SLC9A2: variants seen among roughly 807,000 people sequenced by gnomAD.
The protein encoded by SLC9A2 is solute carrier family 9 member A2, also known as sodium/hydrogen exchanger 2.
Under a neutral mutation model 71.7 loss-of-function variants are expected in SLC9A2, and 42 were observed. That is an observed-to-expected ratio of 0.59 (90% CI 0.46 to 0.76). SLC9A2 has a LOEUF of 0.76. Among genes scored for constraint, SLC9A2 ranks in the 30% least tolerant of loss-of-function variants. The probability of loss-of-function intolerance (pLI) is 0.00; values close to 1 mark genes in which losing one functional copy is unlikely to be tolerated. For missense variants in SLC9A2, 829 were observed against 1,017.4 expected (o/e 0.81, Z 2.52); for synonymous variants, 396 against 392.5 (o/e 1.01, Z -0.10).
Position 102,625,891 on chromosome 2 carries a change from G to A in SLC9A2, c.289+5754G>A, listed in dbSNP as rs193084096. Among the ~76,000 whole-genome samples, 4 of 152,256 alleles carry A rather than the reference G, an allele frequency of 2.6e-5. No individual in the cohort carries two copies. In the East Asian group the frequency reaches 7.7e-4, roughly 29 times the overall value. On this transcript the variant is annotated intron_variant, in intron 1 of 11. Coordinates refer to ENST00000233969, the MANE Select transcript of SLC9A2 (RefSeq NM_003048.6). ...TCTAGTTCTAGATACCTGAGGAATTGCCACACTGTCTTCCACAATGGTTGA... is the reference window on the plus strand; with the variant it reads ...TCTAGTTCTAGATACCTGAGGAATTACCACACTGTCTTCCACAATGGTTGA...
chr2:102,701,980 T>G (rs1322995947), intron 8 of SLC9A2, among the ~76,000 whole-genome samples: 1 of 152,218 alleles, frequency 6.6e-6, no homozygotes, highest in Non-Finnish European at 1.5e-5. Flanking sequence ...TGACTGGATA[T>G]ACATACATGT....
intron 1 of SLC9A2, among the ~76,000 whole-genome samples, chr2:102,652,178 T>C (rs1676848790): frequency 6.6e-6 from 1 of 152,246 alleles, no homozygotes; most frequent in Non-Finnish European, 1.5e-5. Context: ...GTTTAACTTA[T>C]TGGGCAGCCT....
At chr2:102,633,663 A>G (rs1415242519) in intron 1 of SLC9A2, among the ~76,000 whole-genome samples, 2 of 152,148 alleles carry the variant, frequency 1.3e-5, no homozygotes, top group Admixed American at 1.3e-4. Flanking sequence ...AGGTAGCGGA[A>G]CTCAGTAGTA....
chr2:102,650,916 G>A (rs1191701831), intron 1 of SLC9A2, among the ~76,000 whole-genome samples: 1 of 152,094 alleles, frequency 6.6e-6, no homozygotes, highest in Non-Finnish European at 1.5e-5. Flanking sequence ...TAAGCTCCAT[G>A]GTATGTTTTA....
intron 3 of SLC9A2, among the ~76,000 whole-genome samples, chr2:102,678,124 A>AT: frequency 6.6e-6 from 1 of 152,174 alleles, no homozygotes; most frequent in South Asian, 2.1e-4. Flanking sequence ...CCCTTCCCTC[A>AT]TTCTAGCACG....
chr2:102,696,233 T>G (rs977938789), intron 7 of SLC9A2, among the ~76,000 whole-genome samples: 2 of 152,040 alleles, frequency 1.3e-5, no homozygotes, highest in Non-Finnish European at 2.9e-5. Flanking sequence ...TTTTTTTTCA[T>G]AGAGAAATTT....
At chr2:102,670,265 C>T (rs1431218139) in intron 3 of SLC9A2, among the ~76,000 whole-genome samples, 1 of 151,772 alleles carries the variant, frequency 6.6e-6, no homozygotes, top group African/African-American at 2.4e-5. Flanking sequence ...ATCCGCCCAC[C>T]TCGGCCTCCC....
At chr2:102,671,226 C>G (rs777322885) in intron 3 of SLC9A2, among the ~76,000 whole-genome samples, 1 of 151,760 alleles carries the variant, frequency 6.6e-6, no homozygotes, top group African/African-American at 2.4e-5. Flanking sequence ...CTCACTGGGT[C>G]ATTGTACGTT....
At chr2:102,639,075 T>C (rs1676523916) in intron 1 of SLC9A2, among the ~76,000 whole-genome samples, 1 of 152,154 alleles carries the variant, frequency 6.6e-6, no homozygotes, top group South Asian at 2.1e-4. Context: ...TCCTAATTAC[T>C]CAGGAGGCTG....
At chr2:102,648,652 A>T (rs1319847886) in intron 1 of SLC9A2, among the ~76,000 whole-genome samples, 2 of 152,226 alleles carry the variant, frequency 1.3e-5, no homozygotes, top group Non-Finnish European at 2.9e-5. Context: ...TCAGGATACA[A>T]AATCAATGTC....
intron 3 of SLC9A2, among the ~76,000 whole-genome samples, chr2:102,674,728 C>T (rs1212710181): frequency 2.0e-5 from 3 of 152,210 alleles, no homozygotes; most frequent in Admixed American, 2.0e-4. Flanking sequence ...GATTTCCTGG[C>T]TCATGCGAAT....
chr2:102,699,625 C>G (rs749951086), intron 7 of SLC9A2, among the ~76,000 whole-genome samples: 3 of 152,138 alleles, frequency 2.0e-5, no homozygotes, highest in Non-Finnish European at 4.4e-5. Flanking sequence ...GTGGAACCAA[C>G]AGAAATTGCT....
At chr2:102,688,377 A>C (rs1677591701) in intron 5 of SLC9A2, among the ~76,000 whole-genome samples, 1 of 152,136 alleles carries the variant, frequency 6.6e-6, no homozygotes, top group Non-Finnish European at 1.5e-5. Flanking sequence ...ATAGAGTATG[A>C]CACCTGACAC....
intron 1 of SLC9A2, among the ~76,000 whole-genome samples, chr2:102,651,599 C>T (rs1676836745): frequency 6.6e-6 from 1 of 152,198 alleles, no homozygotes; most frequent in African/African-American, 2.4e-5. Context: ...GAGGATTCTC[C>T]CATCAATCAA....
intron 3 of SLC9A2, among the ~76,000 whole-genome samples, chr2:102,673,123 C>T (rs771159978): frequency 6.6e-6 from 1 of 152,008 alleles, no homozygotes; most frequent in Non-Finnish European, 1.5e-5. Context: ...GTCAGTCTTC[C>T]CTCAACTTGT....
At chr2:102,679,944 C>T (rs1204618721) in intron 3 of SLC9A2, among the ~76,000 whole-genome samples, 2 of 152,130 alleles carry the variant, frequency 1.3e-5, no homozygotes. Context: ...GCTGATGTTT[C>T]CACTCTATAG....
chr2:102,630,828 TTTTATTCC>T (rs953629629), intron 1 of SLC9A2, among the ~76,000 whole-genome samples: 4 of 152,060 alleles, frequency 2.6e-5, no homozygotes, highest in Admixed American at 1.3e-4. Flanking sequence ...TTTATTATTC[TTTTATTCC>T]TTTATTCCTT....
At chr2:102,644,030 C>T (rs1411808104) in intron 1 of SLC9A2, among the ~76,000 whole-genome samples, 1 of 151,946 alleles carries the variant, frequency 6.6e-6, no homozygotes, top group African/African-American at 2.4e-5. Flanking sequence ...GAGATGATTA[C>T]AGCAAAGAAT....
chr2:102,636,208 C>T (rs184387549), intron 1 of SLC9A2, among the ~76,000 whole-genome samples: 1 of 152,264 alleles, frequency 6.6e-6, no homozygotes, highest in Admixed American at 6.5e-5. Flanking sequence ...AGACAAAGAC[C>T]ACCAACTTGG....
Sources: allele counts gnomAD v4.1 joint callset (sites outside exome capture counted in the v4.1 genomes callset), GRCh38; gene constraint gnomAD v4.1.1; transcripts MANE v1.5; gene names NCBI Gene and HGNC (gene_info 2026-07-23, HGNC 2026-07-21).